FSTL4: variants seen among roughly 807,000 people sequenced by gnomAD.
FSTL4 encodes follistatin-related protein 4.
A neutral mutation model predicts 78.2 loss-of-function variants in FSTL4; 28 were observed. The ratio of observed to expected loss-of-function variants is 0.36; its 90% CI spans 0.27 to 0.49. FSTL4 has a LOEUF of 0.49. Among genes scored for constraint, FSTL4 ranks in the 20% least tolerant of loss-of-function variants. FSTL4 has a pLI of 0.98. For missense variants in FSTL4, 922 were observed against 1,084.9 expected (o/e 0.85, Z 2.11); for synonymous variants, 422 against 440.5 (o/e 0.96, Z 0.53).
chr5:133,749,209 C>G, the FSTL4 span, among the ~76,000 whole-genome samples: 3 of 152,110 alleles, frequency 2.0e-5, no homozygotes, highest in African/African-American at 7.2e-5. Flanking sequence ...CACTGGGAAC[C>G]GGGGACAGGG....
chr5:133,439,713 G>A (rs1039511645), intron 3 of FSTL4, among the ~76,000 whole-genome samples: 1 of 152,204 alleles, frequency 6.6e-6, no homozygotes, highest in Admixed American at 6.5e-5. Flanking sequence ...GGCAAAGAGA[G>A]GGTCATTCTC....
At chr5:133,427,392 TAA>T (rs1430553554) in intron 3 of FSTL4, among the ~76,000 whole-genome samples, 1 of 152,136 alleles carries the variant, frequency 6.6e-6, no homozygotes, top group Non-Finnish European at 1.5e-5. Flanking sequence ...AGTAGAGATA[TAA>T]GAGTCCACTT....
chr5:133,429,776 C>T (rs1398609263), intron 3 of FSTL4, among the ~76,000 whole-genome samples: 1 of 152,184 alleles, frequency 6.6e-6, no homozygotes, highest in East Asian at 1.9e-4. Context: ...CGTGAGGCAT[C>T]CACCTTCAGC....
the FSTL4 span, among the ~76,000 whole-genome samples, chr5:133,699,732 T>A: frequency 6.6e-6 from 1 of 151,822 alleles, no homozygotes; most frequent in Non-Finnish European, 1.5e-5. Context: ...ATACAAAAAA[T>A]TAGCCAGGTG....
intron 2 of FSTL4, among the ~76,000 whole-genome samples, chr5:133,581,761 G>A (rs1047156586): frequency 3.3e-5 from 5 of 152,360 alleles, no homozygotes; most frequent in African/African-American, 1.2e-4. Flanking sequence ...ATCTCTGGGG[G>A]TGGGACACAG....
intron 3 of FSTL4, among the ~76,000 whole-genome samples, chr5:133,467,802 G>A (rs1172596402): frequency 6.6e-6 from 1 of 152,176 alleles, no homozygotes; most frequent in East Asian, 1.9e-4. Flanking sequence ...CTGCTTTCTG[G>A]CTGTTTGCTC....
chr5:133,791,980 G>A, the FSTL4 span, among the ~76,000 whole-genome samples: 1 of 152,202 alleles, frequency 6.6e-6, no homozygotes, highest in South Asian at 2.1e-4. Flanking sequence ...GGAGTGAGTT[G>A]GCATGCCTTT....
chr5:133,366,034 C>T (rs1306951037), intron 4 of FSTL4, among the ~76,000 whole-genome samples: 2 of 152,212 alleles, frequency 1.3e-5, no homozygotes, highest in Non-Finnish European at 2.9e-5. Flanking sequence ...CTCTTGTCAT[C>T]CACAAGGCCC....
In FSTL4 at chr5:133,440,971, T is replaced by C. The variant is rs1308455243; in HGVS notation, c.161-39985A>G. Among the ~76,000 whole-genome samples the C allele has an allele frequency of 2.0e-5, 3 of 152,114 alleles. No individual in the cohort carries two copies. In the East Asian group the frequency reaches 5.8e-4, roughly 29 times the overall value. On this transcript the variant is annotated intron_variant, in intron 3 of 15. Coordinates refer to ENST00000265342, the MANE Select transcript of FSTL4 (RefSeq NM_015082.2). This position sits in a 1 kb window ranked among gnomAD's most constrained non-coding sequence, Gnocchi z 4.1. ...AGAAAAAGGAAGAAAACACTCCCGG[T>C]GTCAGGGCCTGCACAGCACAGGGCC... is the stretch of plus-strand genomic sequence containing the variant.
At chr5:133,438,375 T>C (rs554023092) in intron 3 of FSTL4, among the ~76,000 whole-genome samples, 1 of 152,366 alleles carries the variant, frequency 6.6e-6, no homozygotes, top group African/African-American at 2.4e-5. Context: ...GGTGTGGGTA[T>C]TTCAAAACCC....
the FSTL4 span, among the ~76,000 whole-genome samples, chr5:133,659,173 A>C: frequency 6.6e-6 from 1 of 152,098 alleles, no homozygotes; most frequent in Non-Finnish European, 1.5e-5. Context: ...TGTATGCTTC[A>C]AGTATTAGTT....
chr5:133,682,390 G>A, the FSTL4 span, among the ~76,000 whole-genome samples: 1 of 152,206 alleles, frequency 6.6e-6, no homozygotes, highest in Non-Finnish European at 1.5e-5. Context: ...CTCGAACGCA[G>A]GGACTGCCTT....
At chr5:133,472,579 C>A (rs1201240644) in intron 3 of FSTL4, among the ~76,000 whole-genome samples, 1 of 152,140 alleles carries the variant, frequency 6.6e-6, no homozygotes, top group African/African-American at 2.4e-5. Flanking sequence ...CAGCCTGATA[C>A]CAGAAAAGAG....
the FSTL4 span, among the ~76,000 whole-genome samples, chr5:133,641,572 G>A: frequency 1.5e-4 from 23 of 152,034 alleles, no homozygotes; most frequent in African/African-American, 5.6e-4. Flanking sequence ...AAATAAAAGT[G>A]TATGAATATA....
chr5:133,788,941 G>A, the FSTL4 span, among the ~76,000 whole-genome samples: 24 of 152,152 alleles, frequency 1.6e-4, no homozygotes, highest in Middle Eastern at 3.4e-3. Flanking sequence ...AATACATTAC[G>A]ACCCCAGAAA....
intron 3 of FSTL4, among the ~76,000 whole-genome samples, chr5:133,439,837 C>T (rs994608060): frequency 6.6e-6 from 1 of 152,050 alleles, no homozygotes; most frequent in Non-Finnish European, 1.5e-5. Context: ...ATGTACTTAG[C>T]CCACCCCCAC....
intron 3 of FSTL4, among the ~76,000 whole-genome samples, chr5:133,416,909 C>A (rs924013645): frequency 2.6e-5 from 4 of 152,174 alleles, no homozygotes; most frequent in African/African-American, 4.8e-5. Flanking sequence ...ATTAAGACAG[C>A]TGGCAACATT....
intron 4 of FSTL4, among the ~76,000 whole-genome samples, chr5:133,383,305 G>C (rs1755620164): frequency 6.6e-6 from 1 of 152,136 alleles, no homozygotes. Context: ...GCCTTCTCCT[G>C]CCAAAATTCT....
At chr5:133,766,347 T>C in the FSTL4 span, among the ~76,000 whole-genome samples, 1 of 152,172 alleles carries the variant, frequency 6.6e-6, no homozygotes, top group Admixed American at 6.5e-5. Context: ...AGAGACCATA[T>C]GTGTCCCACG....
Sources: allele counts gnomAD v4.1 joint callset (sites outside exome capture counted in the v4.1 genomes callset), GRCh38; gene constraint gnomAD v4.1.1; non-coding constraint Gnocchi (gnomAD v3.1); transcripts MANE v1.5; gene names NCBI Gene and HGNC (gene_info 2026-07-23, HGNC 2026-07-21).